RYR2: variants seen among roughly 807,000 people sequenced by gnomAD.
RYR2 encodes cardiac muscle ryanodine receptor-calcium release channel.
Under a neutral mutation model 601.1 loss-of-function variants are expected in RYR2, and 227 were observed. That is an observed-to-expected ratio of 0.38 (90% CI 0.34 to 0.42). The LOEUF (loss-of-function observed/expected upper bound fraction) is 0.42. Ranked by LOEUF, RYR2 falls within the 10% of genes least tolerant of loss-of-function variation. The pLI, the probability that RYR2 is intolerant of heterozygous loss-of-function variation, is 1.00. For missense variants in RYR2, 4,646 were observed against 6,156.5 expected, an observed-to-expected ratio of 0.75 and a Z score of 8.21; for synonymous variants, 2,223 against 2,175.1, an observed-to-expected ratio of 1.02 and a Z score of -0.61.
intron 29 of RYR2, among the ~76,000 whole-genome samples, chr1:237,574,373 A>C (rs1572933401): frequency 6.6e-6 from 1 of 152,128 alleles, no homozygotes; most frequent in Non-Finnish European, 1.5e-5. Flanking sequence ...TTATGGACAG[A>C]ATCCCAAGAT....
At chr1:237,567,379 GACCAGCCTGGGCA>G (rs1380694546) in intron 28 of RYR2, among the ~76,000 whole-genome samples, 1 of 130,292 alleles carries the variant, frequency 7.7e-6, no homozygotes, top group African/African-American at 2.9e-5. Context: ...AGGAGTGCAA[GACCAGCCTGGGCA>G]ACAAAGTAAG....
rs371281974 is a variant in RYR2 at position 237,497,327 on chromosome 1, C to T, written c.2203+575C>T. On this transcript the variant is annotated intron_variant, in intron 20 of 104. Coordinates refer to ENST00000366574, the MANE Select transcript of RYR2 (RefSeq NM_001035.3). Reference sequence around the variant, plus strand: ...AAAATAAAGGAATAGGTCATTTCACCAGCTACCAACTCTTAGCTTTGATGG... The same window carrying T: ...AAAATAAAGGAATAGGTCATTTCACTAGCTACCAACTCTTAGCTTTGATGG... 9.2e-5 allele frequency among the ~76,000 whole-genome samples: 14 copies of T among 152,238 alleles called. No individual in the cohort carries two copies. The East Asian group carries it at 1.2e-3, about 13-fold the overall frequency.
At chr1:237,298,937 T>C (rs1301279183) in intron 2 of RYR2, among the ~76,000 whole-genome samples, 1 of 152,092 alleles carries the variant, frequency 6.6e-6, no homozygotes, top group Non-Finnish European at 1.5e-5. Context: ...GAATTTGAAG[T>C]GAGCTATGAT....
intron 100 of RYR2, among the ~76,000 whole-genome samples, chr1:237,810,061 A>G (rs929554599): frequency 9.2e-5 from 14 of 152,188 alleles, no homozygotes; most frequent in African/African-American, 3.1e-4. Flanking sequence ...AATAATCACA[A>G]GACAGAATTT....
At chr1:237,714,080 C>G (rs894660705) in intron 71 of RYR2, among the ~76,000 whole-genome samples, 5 of 152,022 alleles carry the variant, frequency 3.3e-5, no homozygotes, top group African/African-American at 4.8e-5. Flanking sequence ...AAGAGCTTGG[C>G]TTTCAGAGGC....
At chr1:237,229,153 G>T (rs912221065) in intron 1 of RYR2, among the ~76,000 whole-genome samples, 1 of 152,148 alleles carries the variant, frequency 6.6e-6, no homozygotes, top group African/African-American at 2.4e-5. Context: ...AAGGAGAGAG[G>T]GTGGGCAGTG....
intron 29 of RYR2, among the ~76,000 whole-genome samples, chr1:237,587,123 T>C (rs1219734490): frequency 6.6e-6 from 1 of 152,238 alleles, no homozygotes; most frequent in Non-Finnish European, 1.5e-5. Context: ...TGGTAGTTGC[T>C]TAGTGAGTAA....
At chr1:237,085,762 T>C (rs969306331) in intron 1 of RYR2, among the ~76,000 whole-genome samples, 25 of 152,162 alleles carry the variant, frequency 1.6e-4, no homozygotes, top group South Asian at 4.1e-4. Flanking sequence ...TTCTGACTTT[T>C]TTTTTGAGAG....
chr1:237,492,534 G>T (rs551219167), intron 18 of RYR2, among the ~76,000 whole-genome samples: 162 of 152,258 alleles, frequency 1.1e-3, no homozygotes, highest in African/African-American at 3.8e-3. Flanking sequence ...TGATTCTGAA[G>T]GGGGAATTCG....
In RYR2 at chr1:237,167,064, A is replaced by G. The variant is rs892491155; in HGVS notation, c.49-103433A>G. On this transcript the variant is annotated intron_variant, in intron 1 of 104. Coordinates refer to ENST00000366574, the MANE Select transcript of RYR2 (RefSeq NM_001035.3). ...AACACTTAGCATTCTAAGCTCACCC[A>G]TAAAAGCTGTAACCAAAGCTTTTTT... Among the ~76,000 whole-genome samples the G allele has an allele frequency of 3.3e-5, 5 of 152,268 alleles. No homozygotes were observed. The East Asian group carries it at 7.7e-4, about 23-fold the overall frequency.
chr1:237,322,580 C>T (rs1380063282), intron 2 of RYR2, among the ~76,000 whole-genome samples: 1 of 152,038 alleles, frequency 6.6e-6, no homozygotes, highest in Non-Finnish European at 1.5e-5. Flanking sequence ...CACAGAACTC[C>T]CTAGAGACAA....
intron 4 of RYR2, among the ~76,000 whole-genome samples, chr1:237,356,718 T>G (rs1699328716): frequency 6.6e-6 from 1 of 151,970 alleles, no homozygotes; most frequent in African/African-American, 2.4e-5. Flanking sequence ...TAGGAAAAAA[T>G]AAAGGAGAGA....
chr1:237,589,164 CTTCATACATTA>C (rs1674868645), intron 29 of RYR2, among the ~76,000 whole-genome samples: 1 of 152,142 alleles, frequency 6.6e-6, no homozygotes, highest in Non-Finnish European at 1.5e-5. Flanking sequence ...TAAATACATG[CTTCATACATTA>C]AACATGTATT....
rs1292632486 is a variant in RYR2, at chr1:237,655,889, A to G, written c.8034A>G (p.Pro2678=). The change falls in exon 53 of 105, where the codon CCA becomes CCG. Residue 2678 remains proline (P), a synonymous_variant. Transcript: ENST00000366574. The part of the protein sequence containing the change: ...CLSAVAGALP[P]DYMESNYVSM... ...GTGCAGTTGCGGGAGCTTTGCCTCC[A>G]GACTACATGGAGTCAAATTATGTCA... 1.2e-6 allele frequency: 2 copies of G among 1,611,274 alleles called. No individual in the cohort carries two copies. The highest frequency in any genetic ancestry group is 1.7e-4 in the Middle Eastern group (1 of 6,060).
intron 7 of RYR2, among the ~76,000 whole-genome samples, chr1:237,375,379 A>G (rs1376866945): frequency 6.6e-6 from 1 of 152,178 alleles, no homozygotes. Flanking sequence ...GACTTTATAT[A>G]TCCCTATAAA....
intron 10 of RYR2, among the ~76,000 whole-genome samples, chr1:237,414,868 G>C (rs992140726): frequency 6.6e-6 from 1 of 152,070 alleles, no homozygotes; most frequent in South Asian, 2.1e-4. Flanking sequence ...AAGCAATCTG[G>C]GTCTTAACAA....
intron 29 of RYR2, among the ~76,000 whole-genome samples, chr1:237,581,799 G>A (rs1050356369): frequency 2.0e-5 from 3 of 152,144 alleles, no homozygotes; most frequent in African/African-American, 4.8e-5. Flanking sequence ...ACCTGGGAGA[G>A]TAACTTATTA....
At chr1:237,563,978 G>C (rs1016426113) in intron 27 of RYR2, among the ~76,000 whole-genome samples, 3 of 152,060 alleles carry the variant, frequency 2.0e-5, no homozygotes, top group African/African-American at 7.2e-5. Context: ...AGAAAATTAG[G>C]AGTTACATCT....
At chr1:237,546,976 C>CATATATATATATATATATATGT (rs558814390) in intron 25 of RYR2, among the ~76,000 whole-genome samples, 1 of 97,478 alleles carries the variant, frequency 1.0e-5, no homozygotes, top group Non-Finnish European at 2.3e-5. Flanking sequence ...TTTTCAAAAG[C>CATATATATATATATATATATGT]ATATATATAT....
Sources: gnomAD v4.1 joint callset for allele counts (sites outside exome capture counted in the v4.1 genomes callset) on GRCh38, gnomAD v4.1.1 for gene constraint, MANE v1.5 for transcripts, NCBI Gene and HGNC (gene_info 2026-07-23, HGNC 2026-07-21) for gene names.